Variants in PLSCR3 observed in about 807,000 individuals in gnomAD.
PLSCR3 encodes phospholipid scramblase 3, also known as PL scramblase 3.
PLSCR3 carries 17 observed loss-of-function variants against 33.7 expected under a neutral mutation model. The ratio of observed to expected loss-of-function variants is 0.50; its 90% CI spans 0.35 to 0.76. The LOEUF (loss-of-function observed/expected upper bound fraction) is 0.76. PLSCR3 is among the 30% of genes least tolerant of loss of function. PLSCR3 has a pLI of 0.01. For synonymous variants in PLSCR3, 166 were observed against 166.0 expected (o/e 1.00, Z 0.00); for missense variants, 360 against 394.1 (o/e 0.91, Z 0.73).
chr17:7,393,329 G>A lies in PLSCR3; in HGVS notation c.322C>T (p.Leu108=). The change falls in exon 5 of 8, where the codon CTG becomes TTG. Residue 108 remains leucine, a synonymous_variant. Coordinates refer to ENST00000619711, the MANE Select transcript of PLSCR3 (RefSeq NM_020360.4). The part of the protein sequence containing the change: ...LGWETCNRYE[L]RSGAGQPLGQ... ...AGGGGCTGCCCGGCCCCAGAGCGCA[G>A]TTCATACCGATTACAGGTCTCCCAG... 1.9e-6 allele frequency: 3 copies of A among 1,612,654 alleles called. No homozygotes were observed. Among genetic ancestry groups the A allele is most frequent in the Non-Finnish European group, 2.5e-6 (3 of 1,179,956 alleles).
At chr17:7,393,068 G>C in intron 5 of PLSCR3, 76 bp downstream of exon 5, 1 of 1,487,298 alleles carries the variant, frequency 6.7e-7, no homozygotes, top group Non-Finnish European at 9.0e-7. Context: ...ACCTGATCCA[G>C]GCCTCATCTC....
At position 7,394,169 on chromosome 17, in the gene PLSCR3, G is replaced by A; in HGVS notation, c.-59C>T. 1 of 1,548,110 alleles carries A rather than the reference G, an allele frequency of 6.5e-7. No homozygotes were observed. The highest frequency in any genetic ancestry group is 2.2e-5 in the East Asian group (1 of 44,538). On this transcript the variant is annotated 5_prime_UTR_variant, in exon 2 of 8. Coordinates refer to ENST00000619711, the MANE Select transcript of PLSCR3 (RefSeq NM_020360.4). The surrounding 1 kb of genome is among the most constrained non-coding windows in gnomAD (Gnocchi z 5.3). Reference sequence around the variant, plus strand: ...TCTGGGTGGCTTAGTTCTGGAAGCGGAGGCAAACTCGGAGATAGCCAGACA... The same window carrying A: ...TCTGGGTGGCTTAGTTCTGGAAGCGAAGGCAAACTCGGAGATAGCCAGACA...
rs770991588 is a variant in PLSCR3 at position 7,390,699 on chromosome 17, G to T, written c.766C>A (p.Leu256Ile). 1 of 1,614,212 alleles carries T rather than the reference G, an allele frequency of 6.2e-7. No homozygotes were observed. The highest frequency in any genetic ancestry group is 8.5e-7 in the Non-Finnish European group (1 of 1,180,040). ...ACATCCAGGTCCAGCGGGAACTGTAGGCCAAAGTCATCTGCATCTGTGAGG... is the reference window on the plus strand; with the variant it reads ...ACATCCAGGTCCAGCGGGAACTGTATGCCAAAGTCATCTGCATCTGTGAGG... ...EALTDADDFG[L>I]QFPLDLDVRV... Residue 256 changes from leucine to isoleucine, a missense_variant, in exon 7 of 8, where the codon CTA becomes ATA. By Grantham distance (5) the Leu-to-Ile change is conservative. Transcript: ENST00000619711.
chr17:7,390,539 C>A (rs1458161873), intron 7 of PLSCR3, 95 bp downstream of exon 7: 1 of 1,574,216 alleles, frequency 6.4e-7, no homozygotes, highest in Non-Finnish European at 8.7e-7. Context: ...AACACCTATT[C>A]CTGACTTTCC....
In PLSCR3 at chr17:7,393,190, C is replaced by T. The variant is rs964024086; in HGVS notation, c.461G>A (p.Arg154His). 4.1e-6 allele frequency: 6 copies of T among 1,474,450 alleles called. No homozygotes were observed. The highest frequency in any genetic ancestry group is 1.2e-5 in the South Asian group (1 of 81,980). The allele number at this position is 1,474,450 out of a possible 1,614,324, so 91.3% of individuals were successfully genotyped here. ...GCAGCTGCAGCCACAGTGCAGCGGGCGGAGCAAACGCAGCACCTCACGGTC... is the reference window on the plus strand; with the variant it reads ...GCAGCTGCAGCCACAGTGCAGCGGGTGGAGCAAACGCAGCACCTCACGGTC... ...PGDREVLRLL[R>H]PLHCGCSCCP... Residue 154 changes from arginine to histidine, a missense_variant, in exon 5 of 8, where the codon CGC becomes CAC. Arg to His is a conservative substitution (Grantham distance 29, BLOSUM62 0). Transcript: ENST00000619711.
chr17:7,394,093 C>A lies in PLSCR3; in HGVS notation c.7+11G>T. 4 of 1,612,996 alleles carry A rather than the reference C, an allele frequency of 2.5e-6. No individual in the cohort carries two copies. Among genetic ancestry groups the A allele is most frequent in the Non-Finnish European group, 3.4e-6 (4 of 1,179,428 alleles). ...GGGATAACGGAGACCCCCAGACTTG[C>A]GCGCACTTACCTGCCATGGGAGAAG... On this transcript the variant is annotated intron_variant, in intron 2 of 7. Transcript: ENST00000619711. This position sits in a 1 kb window ranked among gnomAD's most constrained non-coding sequence, Gnocchi z 5.3.
chr17:7,389,958 T>C lies in PLSCR3; in HGVS notation c.*427A>G, dbSNP rs1905505104. On this transcript the variant is annotated 3_prime_UTR_variant, in exon 8 of 8. Transcript: ENST00000619711. ...TGCCATGGTCTGAGGCTGAACTAAT[T>C]GGCCAAGCAGATGCTAGGCAGCGGC... The C allele has an allele frequency of 6.2e-6, 1 of 162,064 alleles. No homozygotes were observed. Among genetic ancestry groups the C allele is most frequent in the Non-Finnish European group, 1.4e-5 (1 of 74,028 alleles). The allele number at this position is 162,064 out of a possible 1,614,324, so 10.0% of individuals were successfully genotyped here. A position where few individuals can be genotyped will look rare whatever the true frequency, so the allele number is the denominator to read the frequency against.
In PLSCR3 at chr17:7,390,809, G is replaced by T. The variant is rs1360452916; in HGVS notation, c.670-14C>A. The T allele has an allele frequency of 1.2e-6, 2 of 1,613,646 alleles. No individual in the cohort carries two copies. The highest frequency in any genetic ancestry group is 2.2e-5 in the South Asian group (2 of 91,080). ...CCGAGTCTTCACCTGTCATCAGGGA[G>T]GGAGAAAGGACCCAGCTGAGGAGGA... On this transcript the variant is annotated splice_polypyrimidine_tract_variant and intron_variant, in intron 6 of 7. Coordinates refer to ENST00000619711, the MANE Select transcript of PLSCR3 (RefSeq NM_020360.4).
At position 7,394,218 on chromosome 17, in the gene PLSCR3, G is replaced by A. The variant is rs1004555114; in HGVS notation, c.-108C>T. The A allele has an allele frequency of 1.3e-5, 14 of 1,112,700 alleles. No individual in the cohort carries two copies. Among genetic ancestry groups the A allele is most frequent in the Non-Finnish European group, 1.6e-5 (12 of 753,280 alleles). The allele number at this position is 1,112,700 out of a possible 1,614,324, so 68.9% of individuals were successfully genotyped here. A position where few individuals can be genotyped will look rare whatever the true frequency, so the allele number is the denominator to read the frequency against. On this transcript the variant is annotated 5_prime_UTR_variant, in exon 2 of 8. Coordinates refer to ENST00000619711, the MANE Select transcript of PLSCR3 (RefSeq NM_020360.4). The surrounding 1 kb of genome is among the most constrained non-coding windows in gnomAD (Gnocchi z 5.3). ...CAGACACAGAGACAGACACAAAGAC[G>A]GAGAGGCAGCTGCGCCCGGCGCCGG...
intron 2 of PLSCR3, 132 bp downstream of exon 2, chr17:7,393,972 G>A: frequency 2.5e-6 from 3 of 1,187,780 alleles, no homozygotes; most frequent in East Asian, 2.4e-5. Flanking sequence ...GGGGAGCAGG[G>A]TGGAGGTTCC....
chr17:7,394,437 C>A lies in PLSCR3; in HGVS notation c.-158+40G>T. 6.9e-6 allele frequency: 2 copies of A among 291,958 alleles called. No homozygotes were observed. Among genetic ancestry groups the A allele is most frequent in the Non-Finnish European group, 1.3e-5 (2 of 154,522 alleles). 18.1% of individuals were successfully genotyped at this position (291,958 alleles called of 1,614,324 possible). A position where few individuals can be genotyped will look rare whatever the true frequency, so the allele number is the denominator to read the frequency against. ...CCGCGGTCAGACCGACAGCCCCACC[C>A]CAAGGGCGGTCTCCCTGACCCCTCT... On this transcript the variant is annotated intron_variant, in intron 1 of 7. Transcript: ENST00000619711. This position sits in a 1 kb window ranked among gnomAD's most constrained non-coding sequence, Gnocchi z 5.3.
Position 7,394,232 on chromosome 17 carries a change from G to T in PLSCR3, c.-122C>A, listed in dbSNP as rs953837021. ...GACACAAAGACGGAGAGGCAGCTGC[G>T]CCCGGCGCCGGCCCAGGGTCTCTTG... On this transcript the variant is annotated 5_prime_UTR_variant, in exon 2 of 8. Transcript: ENST00000619711. The surrounding 1 kb of genome is among the most constrained non-coding windows in gnomAD (Gnocchi z 5.3). 1.5e-5 allele frequency: 14 copies of T among 921,862 alleles called. No individual in the cohort carries two copies. The highest frequency in any genetic ancestry group is 8.2e-5 in the African/African-American group (5 of 60,816). The allele number at this position is 921,862 out of a possible 1,614,324, so 57.1% of individuals were successfully genotyped here. A position where few individuals can be genotyped will look rare whatever the true frequency, so the allele number is the denominator to read the frequency against.
At chr17:7,392,451 G>A (rs1597692840) in intron 6 of PLSCR3, among the ~76,000 whole-genome samples, 1 of 152,278 alleles carries the variant, frequency 6.6e-6, no homozygotes, top group East Asian at 1.9e-4. Context: ...CAGGGCCTGG[G>A]CTCACACACT....
chr17:7,392,901 A>C lies in PLSCR3; in HGVS notation c.559T>G (p.Trp187Gly), dbSNP rs370826732. The change falls in exon 6 of 8, where the codon TGG becomes GGG. Residue 187 changes from tryptophan to glycine, a missense_variant. Coordinates refer to ENST00000619711, the MANE Select transcript of PLSCR3 (RefSeq NM_020360.4). ...GAGAACTTGGGGAGGAAGGGATGCC[A>C]GGTCTGTAGCACGTGGCCAATGGTG... Reference protein sequence around the residue: ...GTTIGHVLQTWHPFLPKFSIQ... With the variant: ...GTTIGHVLQTGHPFLPKFSIQ... 1.2e-6 allele frequency: 2 copies of C among 1,614,082 alleles called. No homozygotes were observed. Among genetic ancestry groups the C allele is most frequent in the Non-Finnish European group, 1.7e-6 (2 of 1,179,990 alleles).
Position 7,390,624 on chromosome 17 carries a change from G to A in PLSCR3, c.831+10C>T. 6.2e-7 allele frequency: 1 copy of A among 1,613,642 alleles called. No homozygotes were observed. Among genetic ancestry groups the A allele is most frequent in the Non-Finnish European group, 8.5e-7 (1 of 1,179,596 alleles). On this transcript the variant is annotated intron_variant, in intron 7 of 7. Coordinates refer to ENST00000619711, the MANE Select transcript of PLSCR3 (RefSeq NM_020360.4). ...CAGGCAGGAGGTGGGGGCAGGGGCA[G>A]CCAACTCACAATGAGGAATGTGGCT...
chr17:7,391,738 A>G lies in PLSCR3; in HGVS notation c.670-943T>C, dbSNP rs545726564. ...ACGCAGTTATTATATCTTATTCCCA[A>G]TTGGTTCTCATCATGGAATCTCCCT... On this transcript the variant is annotated intron_variant, in intron 6 of 7. Coordinates refer to ENST00000619711, the MANE Select transcript of PLSCR3 (RefSeq NM_020360.4). This position sits in a 1 kb window ranked among gnomAD's most constrained non-coding sequence, Gnocchi z 4.1. Among the ~76,000 whole-genome samples the G allele has an allele frequency of 6.6e-6, 1 of 152,126 alleles. No individual in the cohort carries two copies. Among genetic ancestry groups the G allele is most frequent in the Non-Finnish European group, 1.5e-5 (1 of 68,020 alleles).
chr17:7,390,622 C>T lies in PLSCR3; in HGVS notation c.831+12G>A. 4 of 1,613,562 alleles carry T rather than the reference C, an allele frequency of 2.5e-6. No homozygotes were observed. Among genetic ancestry groups the T allele is most frequent in the Non-Finnish European group, 2.5e-6 (3 of 1,179,544 alleles). On this transcript the variant is annotated intron_variant, in intron 7 of 7. Transcript: ENST00000619711. ...GACAGGCAGGAGGTGGGGGCAGGGGCAGCCAACTCACAATGAGGAATGTGG... is the reference window on the plus strand; with the variant it reads ...GACAGGCAGGAGGTGGGGGCAGGGGTAGCCAACTCACAATGAGGAATGTGG...
At chr17:7,392,704 G>T in intron 6 of PLSCR3, 87 bp downstream of exon 6, 2 of 1,281,518 alleles carry the variant, frequency 1.6e-6, no homozygotes, top group South Asian at 1.2e-5. Context: ...TGAGCTCAGG[G>T]TCTTGACCTT....
chr17:7,392,584 C>G (rs1905797750), intron 6 of PLSCR3, among the ~76,000 whole-genome samples: 1 of 152,140 alleles, frequency 6.6e-6, no homozygotes, highest in Non-Finnish European at 1.5e-5. Flanking sequence ...CAGCATTGCT[C>G]CTTAAGATGA....
Sources: allele counts gnomAD v4.1 joint callset (sites outside exome capture counted in the v4.1 genomes callset), GRCh38; gene constraint gnomAD v4.1.1; non-coding constraint Gnocchi (gnomAD v3.1); transcripts MANE v1.5; gene names NCBI Gene and HGNC (gene_info 2026-07-23, HGNC 2026-07-21).